The following PAGR1 variants were observed in gnomAD, a reference collection of about 807,000 sequenced individuals.
PAGR1 encodes the protein PAXIP1 associated glutamate rich protein 1, also known as PAXIP1-associated glutamate-rich protein 1.
A neutral mutation model predicts 22.4 loss-of-function variants in PAGR1; 20 were observed. That is an observed-to-expected ratio of 0.89 (90% CI 0.63 to 1.30). PAGR1 has a LOEUF of 1.30. Ranked by LOEUF, PAGR1 falls within the 50% of genes most tolerant of loss-of-function variation. PAGR1 has a pLI of 0.00. For synonymous variants in PAGR1, 161 were observed against 148.3 expected, an observed-to-expected ratio of 1.09 and a Z score of -0.62; for missense variants, 338 against 343.6, an observed-to-expected ratio of 0.98 and a Z score of 0.13.
At chr16:29,817,664 G>A (rs747632698) in intron 2 of PAGR1, among the ~76,000 whole-genome samples, 33 of 151,896 alleles carry the variant, frequency 2.2e-4, no homozygotes, top group Non-Finnish European at 4.1e-4. Context: ...AGTAGAGACA[G>A]GCTTTCACCA....
Position 29,822,055 on chromosome 16 carries a change from GTC to G in PAGR1, c.*2305_*2306del, listed in dbSNP as rs2067365801. On this transcript the variant is annotated 3_prime_UTR_variant, in exon 3 of 3. Coordinates refer to ENST00000320330, the MANE Select transcript of PAGR1 (RefSeq NM_024516.4). ...AGCCTGAGCAACATAGCGAGACCCT[GTC>G]TCTGTTTGTGTGTGTGTGGTTGGGG... Among the ~76,000 whole-genome samples the G allele has an allele frequency of 6.6e-6, 1 of 151,356 alleles. No individual in the cohort carries two copies. Among genetic ancestry groups the G allele is most frequent in the Non-Finnish European group, 1.5e-5 (1 of 67,810 alleles).
In PAGR1 at chr16:29,816,907, CA is replaced by C. The variant is rs1900261776; in HGVS notation, c.384del (p.Ala129ProfsTer47). The C allele has an allele frequency of 3.8e-6, 6 of 1,561,704 alleles. No homozygotes were observed. The highest frequency in any genetic ancestry group is 5.2e-6 in the Non-Finnish European group (6 of 1,155,902). ...LLAAHGTLELQAEILPRRPPT... is the reference protein window; with the variant it reads ...LLAAHGTLELXAEILPRRPPT... ...GGCTGCCCACGGTACTCTGGAGCTG[CA>C]AGCCGAGATCCTGCCCCGCCGGCCT... On this transcript the variant is annotated frameshift_variant, in exon 1 of 3. Transcript: ENST00000320330. LOFTEE classifies it high-confidence loss of function.
In PAGR1 at chr16:29,819,839, T is replaced by C. The variant is rs1900324765; in HGVS notation, c.*85T>C. ...TTCCCCAGCCCAGACATTGAGAAAC[T>C]TGGGAAGAAGAGAGAAACCTCAAGC... On this transcript the variant is annotated 3_prime_UTR_variant, in exon 3 of 3. Coordinates refer to ENST00000320330, the MANE Select transcript of PAGR1 (RefSeq NM_024516.4). 1.4e-6 allele frequency: 2 copies of C among 1,426,866 alleles called. No homozygotes were observed. The highest frequency in any genetic ancestry group is 1.4e-5 in the African/African-American group (1 of 69,748). The allele number at this position is 1,426,866 out of a possible 1,614,324, so 88.4% of individuals were successfully genotyped here.
In PAGR1 at chr16:29,817,027, C is replaced by T. The variant is rs1193761654; in HGVS notation, c.482+20C>T. 3.2e-6 allele frequency: 5 copies of T among 1,556,796 alleles called. No homozygotes were observed. Among genetic ancestry groups the T allele is most frequent in the African/African-American group, 1.4e-5 (1 of 73,880 alleles). On this transcript the variant is annotated intron_variant, in intron 1 of 2. Coordinates refer to ENST00000320330, the MANE Select transcript of PAGR1 (RefSeq NM_024516.4). ...GGAAAAGTAAAGGCACACCCTTACA[C>T]CTTGTCCCGGGGCTGCTCCCCTGAT...
chr16:29,819,580 G>C lies in PAGR1; in HGVS notation c.591G>C (p.Arg197=), dbSNP rs755271253. 1.7e-5 allele frequency: 28 copies of C among 1,613,958 alleles called. No individual in the cohort carries two copies. The highest frequency in any genetic ancestry group is 2.3e-5 in the Non-Finnish European group (27 of 1,180,006). The change falls in exon 3 of 3, where the codon CGG becomes CGC. Residue 197 remains arginine, a synonymous_variant. Coordinates refer to ENST00000320330, the MANE Select transcript of PAGR1 (RefSeq NM_024516.4). ...GAAGCTCAGCCCGGAGCCAGAAACG[G>C]GAGGCCCGCCTGGACAAGGTGCTGT... ...TPGSSARSQK[R]EARLDKVLSD...
At position 29,821,442 on chromosome 16, in the gene PAGR1, A is replaced by G. The variant is rs968636174; in HGVS notation, c.*1688A>G. The G allele has an allele frequency of 6.6e-6, 1 of 152,236 alleles. No individual in the cohort carries two copies. Among genetic ancestry groups the G allele is most frequent in the Non-Finnish European group, 1.5e-5 (1 of 68,076 alleles). 9.4% of individuals were successfully genotyped at this position (152,236 alleles called of 1,614,324 possible). A position where few individuals can be genotyped will look rare whatever the true frequency, so the allele number is the denominator to read the frequency against. On this transcript the variant is annotated 3_prime_UTR_variant, in exon 3 of 3. Coordinates refer to ENST00000320330, the MANE Select transcript of PAGR1 (RefSeq NM_024516.4). ...GCCCAGAGACAGCCTCAGGGCTCCA[A>G]GGTAACGGGGTGCTCAGGTTATCTT...
Position 29,821,652 on chromosome 16 carries a change from TTG to T in PAGR1, c.*1901_*1902del, listed in dbSNP as rs1371703676. ...GCCTGAGAAGCCACTGCCTCCTAGT[TTG>T]TGGTCTCTACAGTTATAGCCAGGTT... On this transcript the variant is annotated 3_prime_UTR_variant, in exon 3 of 3. Transcript: ENST00000320330. Among the ~76,000 whole-genome samples the T allele has an allele frequency of 6.6e-6, 1 of 152,204 alleles. No individual in the cohort carries two copies. The highest frequency in any genetic ancestry group is 1.5e-5 in the Non-Finnish European group (1 of 68,034).
chr16:29,821,954 G>A lies in PAGR1; in HGVS notation c.*2200G>A, dbSNP rs537228295. Among the ~76,000 whole-genome samples, 2 of 152,298 alleles carry A rather than the reference G, an allele frequency of 1.3e-5. No homozygotes were observed. Among genetic ancestry groups the A allele is most frequent in the Admixed American group, 6.5e-5 (1 of 15,294 alleles). On this transcript the variant is annotated 3_prime_UTR_variant, in exon 3 of 3. Coordinates refer to ENST00000320330, the MANE Select transcript of PAGR1 (RefSeq NM_024516.4). The stretch of plus-strand genomic sequence containing the variant: ...AGAATTCCAGCCTAGGGCTGGATGC[G>A]GTGGCTCAGGCCTGTAATCCCAGTA...
At chr16:29,819,291 T>C (rs1900312094) in intron 2 of PAGR1, 3 of 482,448 alleles carry the variant, frequency 6.2e-6, no homozygotes, top group Non-Finnish European at 7.5e-6. Flanking sequence ...AACAGAACTC[T>C]GTTCTTGTCC....
At position 29,816,996 on chromosome 16, in the gene PAGR1, G is replaced by A; in HGVS notation, c.471G>A (p.Glu157=). ...RSDEEPEAKE[E]EEEKPHMPTE... The stretch of plus-strand genomic sequence containing the variant: ...ATGAGGAGCCGGAGGCCAAAGAAGA[G>A]GAAGAGGAAAAGTAAAGGCACACCC... The change falls in exon 1 of 3, where the codon GAG becomes GAA. Residue 157 remains glutamate, a synonymous_variant. Coordinates refer to ENST00000320330, the MANE Select transcript of PAGR1 (RefSeq NM_024516.4). The A allele has an allele frequency of 6.4e-7, 1 of 1,566,612 alleles. No individual in the cohort carries two copies. The highest frequency in any genetic ancestry group is 8.6e-7 in the Non-Finnish European group (1 of 1,158,440).
At position 29,822,206 on chromosome 16, in the gene PAGR1, G is replaced by A. The variant is rs573469949; in HGVS notation, c.*2452G>A. ...CCTGGGGTCGCTTCTGATCTAGGCG[G>A]TTCTTGCCTCTGGTGACTGGTGTTA... On this transcript the variant is annotated 3_prime_UTR_variant, in exon 3 of 3. Coordinates refer to ENST00000320330, the MANE Select transcript of PAGR1 (RefSeq NM_024516.4). Among the ~76,000 whole-genome samples, 2 of 151,982 alleles carry A rather than the reference G, an allele frequency of 1.3e-5. No individual in the cohort carries two copies. The highest frequency in any genetic ancestry group is 3.9e-4 in the East Asian group (2 of 5,186).
rs1005353665 is a variant in PAGR1, at chr16:29,821,036, C to T, written c.*1282C>T. 6.6e-6 allele frequency: 1 copy of T among 152,254 alleles called. No individual in the cohort carries two copies. 9.4% of individuals were successfully genotyped at this position (152,254 alleles called of 1,614,324 possible). ...GGTCTCAGTCGATCATTCAGGAAGT[C>T]ATTAGCAGAGTGATTTCCAGAAGGC... On this transcript the variant is annotated 3_prime_UTR_variant, in exon 3 of 3. Transcript: ENST00000320330.
chr16:29,818,233 G>A (rs1199016449), intron 2 of PAGR1: 1 of 152,074 alleles, frequency 6.6e-6, no homozygotes, highest in South Asian at 2.1e-4. Context: ...GAGTCTTGCT[G>A]TGTTGCCCAG....
chr16:29,819,541 T>G lies in PAGR1; in HGVS notation c.566-14T>G. ...CTCCATCCCTTCCATGTATCTTACCTTCCTCTTCTCCAGGAAGCTCAGCCC... is the reference window on the plus strand; with the variant it reads ...CTCCATCCCTTCCATGTATCTTACCGTCCTCTTCTCCAGGAAGCTCAGCCC... On this transcript the variant is annotated splice_polypyrimidine_tract_variant and intron_variant, in intron 2 of 2. Transcript: ENST00000320330. The G allele has an allele frequency of 1.2e-6, 2 of 1,613,850 alleles. No individual in the cohort carries two copies. The highest frequency in any genetic ancestry group is 1.7e-6 in the Non-Finnish European group (2 of 1,179,918).
rs1900324955 is a variant in PAGR1 at position 29,819,848 on chromosome 16, A to G, written c.*94A>G. 7.3e-7 allele frequency: 1 copy of G among 1,364,422 alleles called. No homozygotes were observed. Among genetic ancestry groups the G allele is most frequent in the South Asian group, 1.4e-5 (1 of 70,760 alleles). The allele number at this position is 1,364,422 out of a possible 1,614,324, so 84.5% of individuals were successfully genotyped here. On this transcript the variant is annotated 3_prime_UTR_variant, in exon 3 of 3. Transcript: ENST00000320330. ...CCAGACATTGAGAAACTTGGGAAGA[A>G]GAGAGAAACCTCAAGCTCCCAAACA... is the stretch of plus-strand genomic sequence containing the variant.
At position 29,816,915 on chromosome 16, in the gene PAGR1, G is replaced by T; in HGVS notation, c.390G>T (p.Glu130Asp). 6.4e-7 allele frequency: 1 copy of T among 1,564,798 alleles called. No individual in the cohort carries two copies. Residue 130 changes from glutamate (E) to aspartate (D), a missense_variant, in exon 1 of 3, where the codon GAG becomes GAT. Coordinates refer to ENST00000320330, the MANE Select transcript of PAGR1 (RefSeq NM_024516.4). Reference sequence around the variant, plus strand: ...ACGGTACTCTGGAGCTGCAAGCCGAGATCCTGCCCCGCCGGCCTCCCACGC... The same window carrying T: ...ACGGTACTCTGGAGCTGCAAGCCGATATCCTGCCCCGCCGGCCTCCCACGC... ...AAHGTLELQA[E>D]ILPRRPPTPE...
chr16:29,822,333 AAG>A lies in PAGR1; in HGVS notation c.*2580_*2581del, dbSNP rs1234637988. 2.0e-5 allele frequency among the ~76,000 whole-genome samples: 3 copies of A among 151,940 alleles called. No homozygotes were observed. Among genetic ancestry groups the A allele is most frequent in the Admixed American group, 6.6e-5 (1 of 15,252 alleles). On this transcript the variant is annotated 3_prime_UTR_variant, in exon 3 of 3. Transcript: ENST00000320330. Reference sequence around the variant, plus strand: ...AACTGTGCTGCTTTAAAAAAAAAAAAAGTAATTTATGAGACACATTCTCAATT... The same window carrying A: ...AACTGTGCTGCTTTAAAAAAAAAAAATAATTTATGAGACACATTCTCAATT...
rs1900257202 is a variant in PAGR1, at chr16:29,816,767, A to G, written c.242A>G (p.Glu81Gly). ...VPSAGGEEPA[E>G]EDSEDWCVPC... Reference sequence around the variant, plus strand: ...AGCGCTGGGGGAGAAGAGCCTGCCGAGGAGGACTCCGAGGACTGGTGCGTG... The same window carrying G: ...AGCGCTGGGGGAGAAGAGCCTGCCGGGGAGGACTCCGAGGACTGGTGCGTG... The change falls in exon 1 of 3, where the codon GAG becomes GGG. Residue 81 changes from glutamate to glycine, a missense_variant. Physicochemically the swap from Glu to Gly is moderately conservative, Grantham distance 98. This residue lies in a region of PAGR1 where 235 missense variants were observed against 216.0 expected (regional missense o/e 1.09). Transcript: ENST00000320330. The G allele has an allele frequency of 2.5e-6, 4 of 1,588,048 alleles. No homozygotes were observed. Among genetic ancestry groups the G allele is most frequent in the Admixed American group, 1.8e-5 (1 of 55,198 alleles).
rs1356499197 is a variant in PAGR1 at position 29,822,103 on chromosome 16, T to TA, written c.*2352dup. On this transcript the variant is annotated 3_prime_UTR_variant, in exon 3 of 3. Transcript: ENST00000320330. Reference sequence around the variant, plus strand: ...TGGGGTTTTGTTTTTTTTTTTTTTTTAAAGAATTATAGCTCAGTCCTATGA... The same window carrying TA: ...TGGGGTTTTGTTTTTTTTTTTTTTTTAAAAGAATTATAGCTCAGTCCTATGA... Among the ~76,000 whole-genome samples, 1 of 150,894 alleles carries TA rather than the reference T, an allele frequency of 6.6e-6. No homozygotes were observed. The highest frequency in any genetic ancestry group is 1.5e-5 in the Non-Finnish European group (1 of 67,758).
Sources: allele counts gnomAD v4.1 joint callset (sites outside exome capture counted in the v4.1 genomes callset), GRCh38; gene constraint gnomAD v4.1.1; regional missense constraint gnomAD v4.1.1; transcripts MANE v1.5; gene names NCBI Gene and HGNC (gene_info 2026-07-23, HGNC 2026-07-21).